The following REDIC1 variants were observed in gnomAD, a reference collection of about 807,000 sequenced individuals.
The protein encoded by REDIC1 is HEI10 Interacting Protein 1.
At chr12:39,898,360 A>G in the REDIC1 span, among the ~76,000 whole-genome samples, 9 of 152,248 alleles carry the variant, frequency 5.9e-5, no homozygotes, top group East Asian at 1.5e-3. Context: ...ATATGATACA[A>G]TGGGAATGTT....
At chr12:39,729,445 C>G in the REDIC1 span, among the ~76,000 whole-genome samples, 1 of 152,152 alleles carries the variant, frequency 6.6e-6, no homozygotes, top group African/African-American at 2.4e-5. Context: ...GCAGGTTGTT[C>G]AGTTTCCATG....
the REDIC1 span, among the ~76,000 whole-genome samples, chr12:39,736,404 A>G: frequency 3.3e-5 from 5 of 152,188 alleles, no homozygotes; most frequent in African/African-American, 9.7e-5. Context: ...GGATAGCTAT[A>G]TTTTATGAGC....
At chr12:39,784,480 T>A in the REDIC1 span, among the ~76,000 whole-genome samples, 1 of 152,322 alleles carries the variant, frequency 6.6e-6, no homozygotes, top group East Asian at 1.9e-4. Flanking sequence ...GGGGAAAGGA[T>A]TCCCTACTTA....
the REDIC1 span, among the ~76,000 whole-genome samples, chr12:39,890,853 A>C: frequency 6.6e-6 from 1 of 152,170 alleles, no homozygotes; most frequent in African/African-American, 2.4e-5. Context: ...TTTTAAAATA[A>C]TATGAGAAAA....
chr12:39,645,036 G>A, the REDIC1 span, among the ~76,000 whole-genome samples: 17 of 152,018 alleles, frequency 1.1e-4, no homozygotes, highest in African/African-American at 3.9e-4. Flanking sequence ...TCTTAGCAAG[G>A]CCTCTTTGTT....
the REDIC1 span, among the ~76,000 whole-genome samples, chr12:39,676,544 C>T: frequency 7.5e-4 from 114 of 152,150 alleles, no homozygotes; most frequent in Non-Finnish European, 1.3e-3. Flanking sequence ...AGGTAATAAT[C>T]GAGGATAACT....
chr12:39,638,953 T>C, the REDIC1 span, among the ~76,000 whole-genome samples: 4 of 152,168 alleles, frequency 2.6e-5, no homozygotes, highest in Admixed American at 2.0e-4. Flanking sequence ...TTTACTTTGA[T>C]TTCTTAATTT....
chr12:39,700,553 G>A, the REDIC1 span, among the ~76,000 whole-genome samples: 1 of 151,710 alleles, frequency 6.6e-6, no homozygotes, highest in Non-Finnish European at 1.5e-5. Flanking sequence ...TAGCAAGGCA[G>A]GCCAACATTC....
chr12:39,783,234 T>G, the REDIC1 span, among the ~76,000 whole-genome samples: 1 of 152,206 alleles, frequency 6.6e-6, no homozygotes, highest in Non-Finnish European at 1.5e-5. Flanking sequence ...TATTCCATGG[T>G]GTATATGTGC....
chr12:39,710,918 T>A, the REDIC1 span, among the ~76,000 whole-genome samples: 2 of 151,602 alleles, frequency 1.3e-5, no homozygotes, highest in East Asian at 1.9e-4. Flanking sequence ...TACCACAAGT[T>A]ATTGGGGTAA....
the REDIC1 span, among the ~76,000 whole-genome samples, chr12:39,897,584 T>C: frequency 1.3e-5 from 2 of 152,146 alleles, no homozygotes; most frequent in Non-Finnish European, 2.9e-5. Context: ...CAATGTCCAA[T>C]ATGGCAGGAA....
chr12:39,679,161 A>G, the REDIC1 span, among the ~76,000 whole-genome samples: 10 of 152,186 alleles, frequency 6.6e-5, no homozygotes, highest in Non-Finnish European at 1.3e-4. Flanking sequence ...AGCCAGAGCA[A>G]TCAGACAAGA....
At chr12:39,681,841 T>C in the REDIC1 span, among the ~76,000 whole-genome samples, 3 of 152,138 alleles carry the variant, frequency 2.0e-5, no homozygotes, top group East Asian at 5.8e-4. Context: ...GTTTTAGCAA[T>C]CTGTGGTTTT....
At chr12:39,907,934 T>C in the REDIC1 span, 1 of 151,762 alleles carries the variant, frequency 6.6e-6, no homozygotes, top group Admixed American at 6.6e-5. Context: ...TTTCCACCTT[T>C]ACAACTACGC....
At chr12:39,647,702 T>A in the REDIC1 span, 1 of 983,758 alleles carries the variant, frequency 1.0e-6, no homozygotes, top group Non-Finnish European at 1.4e-6. Context: ...CCCTGCCCTT[T>A]TCACTTATTT....
At chr12:39,760,750 A>T in the REDIC1 span, among the ~76,000 whole-genome samples, 125,305 of 151,878 alleles carry the variant, frequency 0.83, 51,890 homozygotes, top group African/African-American at 0.84. Context: ...TTTTGCTGTA[A>T]GATTATGCAT....
chr12:39,797,600 A>T, the REDIC1 span, among the ~76,000 whole-genome samples: 2 of 152,214 alleles, frequency 1.3e-5, no homozygotes, highest in Non-Finnish European at 2.9e-5. Flanking sequence ...GTTGTCTCTC[A>T]TTGGTAACTT....
the REDIC1 span, among the ~76,000 whole-genome samples, chr12:39,775,648 C>T: frequency 6.6e-6 from 1 of 152,160 alleles, no homozygotes; most frequent in African/African-American, 2.4e-5. Flanking sequence ...TGGAAACAAA[C>T]AAGATGTCAC....
chr12:39,834,876 T>C, the REDIC1 span, among the ~76,000 whole-genome samples: 1 of 152,106 alleles, frequency 6.6e-6, no homozygotes, highest in Non-Finnish European at 1.5e-5. Context: ...ACTTTAAATA[T>C]CCTGGGGAAT....
Sources: allele counts gnomAD v4.1 joint callset (sites outside exome capture counted in the v4.1 genomes callset), GRCh38; gene constraint gnomAD v4.1.1; transcripts MANE v1.5; gene names NCBI Gene and HGNC (gene_info 2026-07-23, HGNC 2026-07-21).